The following PCDHGA4 variants were observed in gnomAD, a reference collection of about 807,000 sequenced individuals.
PCDHGA4 encodes the protein protocadherin gamma-A4.
A neutral mutation model predicts 54.6 loss-of-function variants in PCDHGA4; 38 were observed. The observed-to-expected ratio is 0.70, with a 90% CI of 0.54 to 0.91. PCDHGA4 has a LOEUF of 0.91. Ranked by LOEUF, PCDHGA4 falls within the 40% of genes least tolerant of loss-of-function variation. The pLI, the probability that PCDHGA4 is intolerant of heterozygous loss-of-function variation, is 0.00. For missense variants in PCDHGA4, 1,298 were observed against 1,220.9 expected, an observed-to-expected ratio of 1.06 and a Z score of -0.94; for synonymous variants, 511 against 512.9, an observed-to-expected ratio of 1.00 and a Z score of 0.05.
At chr5:141,399,378 C>T (rs368139061) in intron 1 of PCDHGA4, 1,186 of 1,613,874 alleles carry the variant, frequency 7.3e-4, no homozygotes, top group Non-Finnish European at 9.6e-4. Flanking sequence ...ACAATGTCAC[C>T]ATCACAGCCA....
chr5:141,464,093 C>T (rs1029458289), intron 1 of PCDHGA4, among the ~76,000 whole-genome samples: 1 of 151,888 alleles, frequency 6.6e-6, no homozygotes, highest in Non-Finnish European at 1.5e-5. Context: ...GGTGAAACTC[C>T]GTCTCTACTA....
At position 141,355,087 on chromosome 5, in the gene PCDHGA4, C is replaced by T. The variant is rs1052813011; in HGVS notation, c.-21C>T. On this transcript the variant is annotated 5_prime_UTR_variant, in exon 1 of 4. Coordinates refer to ENST00000571252, the MANE Select transcript of PCDHGA4 (RefSeq NM_018917.4). Reference sequence around the variant, plus strand: ...GCTTTATGAAAGCTTCAAGCGGAAGCCCTGAGAGCTCTGGCTGTGAATGCA... The same window carrying T: ...GCTTTATGAAAGCTTCAAGCGGAAGTCCTGAGAGCTCTGGCTGTGAATGCA... The T allele has an allele frequency of 1.4e-6, 2 of 1,455,264 alleles. No individual in the cohort carries two copies. The highest frequency in any genetic ancestry group is 1.8e-6 in the Non-Finnish European group (2 of 1,091,314). The allele number at this position is 1,455,264 out of a possible 1,614,324, so 90.1% of individuals were successfully genotyped here. A position where few individuals can be genotyped will look rare whatever the true frequency, so the allele number is the denominator to read the frequency against.
intron 1 of PCDHGA4, among the ~76,000 whole-genome samples, chr5:141,382,245 A>C (rs1778064019): frequency 6.6e-6 from 1 of 152,172 alleles, no homozygotes; most frequent in South Asian, 2.1e-4. Flanking sequence ...GACTTTCTGA[A>C]TCTTGCATCA....
chr5:141,498,065 G>C (rs1197771947), intron 2 of PCDHGA4, among the ~76,000 whole-genome samples: 1 of 152,220 alleles, frequency 6.6e-6, no homozygotes, highest in Non-Finnish European at 1.5e-5. Context: ...GACTGAAACT[G>C]TCATAAGTGC....
intron 2 of PCDHGA4, among the ~76,000 whole-genome samples, chr5:141,501,102 C>G (rs951290710): frequency 2.0e-5 from 3 of 152,014 alleles, no homozygotes; most frequent in African/African-American, 4.8e-5. Flanking sequence ...CTCTTGACCT[C>G]GTGATCCGCC....
At chr5:141,503,736 T>C (rs1381045077) in intron 2 of PCDHGA4, among the ~76,000 whole-genome samples, 4 of 152,202 alleles carry the variant, frequency 2.6e-5, no homozygotes, top group African/African-American at 9.6e-5. Context: ...TTTGTTGTGA[T>C]GGTATAGAGG....
At position 141,372,683 on chromosome 5, in the gene PCDHGA4, C is replaced by T. The variant is rs764987054; in HGVS notation, c.2514+15062C>T. On this transcript the variant is annotated intron_variant, in intron 1 of 3. Coordinates refer to ENST00000571252, the MANE Select transcript of PCDHGA4 (RefSeq NM_018917.4). The stretch of plus-strand genomic sequence containing the variant: ...GTGCTGCCTCACATTCCTCAAACAC[C>T]GAGTTTAAATTTCTCAATATAAAGG... The T allele has an allele frequency of 1.9e-6, 3 of 1,613,826 alleles. No homozygotes were observed. In the African/African-American group the frequency reaches 4.0e-5, roughly 22 times the overall value.
chr5:141,394,679 C>T (rs532730881), intron 1 of PCDHGA4: 1 of 1,612,552 alleles, frequency 6.2e-7, no homozygotes, highest in African/African-American at 1.3e-5. Context: ...TGGGTCTGCA[C>T]ACGGGCGAGG....
Position 141,476,263 on chromosome 5 carries a change from C to T in PCDHGA4, c.2515-18544C>T. 1 of 1,613,940 alleles carries T rather than the reference C, an allele frequency of 6.2e-7. No individual in the cohort carries two copies. The highest frequency in any genetic ancestry group is 8.5e-7 in the Non-Finnish European group (1 of 1,180,010). Reference sequence around the variant, plus strand: ...GAGAGAAGGGTTTCGCTGTGGGCAACGTGGTCGCGAACCTTGGTTTGGATC... The same window carrying T: ...GAGAGAAGGGTTTCGCTGTGGGCAATGTGGTCGCGAACCTTGGTTTGGATC... On this transcript the variant is annotated intron_variant, in intron 1 of 3. Transcript: ENST00000571252. The surrounding 1 kb of genome is among the most constrained non-coding windows in gnomAD (Gnocchi z 7.6).
chr5:141,477,817 C>G lies in PCDHGA4; in HGVS notation c.2515-16990C>G, dbSNP rs1593824080. 2 of 1,614,138 alleles carry G rather than the reference C, an allele frequency of 1.2e-6. No individual in the cohort carries two copies. The highest frequency in any genetic ancestry group is 8.5e-7 in the Non-Finnish European group (1 of 1,180,038). ...ATCGCAATGACAATGCCCCCCAGGT[C>G]CTATATCCTCGGCCAGGTGGGAGCT... is the stretch of plus-strand genomic sequence containing the variant. On this transcript the variant is annotated intron_variant, in intron 1 of 3. Coordinates refer to ENST00000571252, the MANE Select transcript of PCDHGA4 (RefSeq NM_018917.4). This position sits in a 1 kb window ranked among gnomAD's most constrained non-coding sequence, Gnocchi z 4.9.
rs540403118 is a variant in PCDHGA4, at chr5:141,365,112, T to C, written c.2514+7491T>C. The C allele has an allele frequency of 6.2e-6, 10 of 1,613,770 alleles. No individual in the cohort carries two copies. The highest frequency in any genetic ancestry group is 7.6e-6 in the Non-Finnish European group (9 of 1,179,884). On this transcript the variant is annotated intron_variant, in intron 1 of 3. Coordinates refer to ENST00000571252, the MANE Select transcript of PCDHGA4 (RefSeq NM_018917.4). ...GAGAACATACCTGTGGGCACTCGGC[T>C]GCTCATGCTAACCGCCACGGATCCA...
intron 1 of PCDHGA4, chr5:141,364,603 C>G: frequency 6.2e-7 from 1 of 1,614,180 alleles, no homozygotes; most frequent in Non-Finnish European, 8.5e-7. Flanking sequence ...GCAGGATAGA[C>G]CGGGAGGAGC....
chr5:141,379,047 T>C (rs570619122), intron 1 of PCDHGA4: 2 of 152,352 alleles, frequency 1.3e-5, no homozygotes, highest in East Asian at 1.9e-4. Flanking sequence ...GGTGGTATTA[T>C]AGAATGGATT....
chr5:141,478,204 T>C (rs775367944), intron 1 of PCDHGA4: 7 of 1,613,950 alleles, frequency 4.3e-6, no homozygotes, highest in Middle Eastern at 1.6e-4. Context: ...ATCTACTTCT[T>C]TCTCTAATCC....
intron 1 of PCDHGA4, chr5:141,374,267 C>A: frequency 6.2e-7 from 1 of 1,614,008 alleles, no homozygotes; most frequent in Non-Finnish European, 8.5e-7. Flanking sequence ...GTTGGCGGAG[C>A]ACGGAGTCCG....
intron 1 of PCDHGA4, chr5:141,415,644 A>G: frequency 6.2e-7 from 1 of 1,600,070 alleles, no homozygotes; most frequent in Non-Finnish European, 8.5e-7. Flanking sequence ...CTTTTGTTAA[A>G]AAAAAAAAGA....
rs781695042 is a variant in PCDHGA4, at chr5:141,394,424, C to T, written c.2514+36803C>T. 6.2e-6 allele frequency: 10 copies of T among 1,614,104 alleles called. No individual in the cohort carries two copies. The African/African-American group carries it at 8.0e-5, about 13-fold the overall frequency. On this transcript the variant is annotated intron_variant, in intron 1 of 3. Transcript: ENST00000571252. The stretch of plus-strand genomic sequence containing the variant: ...AGCTACTGGTAACAGCCAGCGACAG[C>T]GGGGACCCGCCCCTCAGCAGCAACA...
chr5:141,377,101 A>G (rs6895700), intron 1 of PCDHGA4: 15,808 of 152,272 alleles, frequency 0.1, 1,337 homozygotes, highest in African/African-American at 0.24. Flanking sequence ...CTTTTATATC[A>G]AAAGAATGTT....
At chr5:141,410,006 G>A (rs1201569227) in intron 1 of PCDHGA4, 8 of 1,613,156 alleles carry the variant, frequency 5.0e-6, no homozygotes, top group Non-Finnish European at 5.9e-6. Context: ...GGGACACAAC[G>A]CCTGGCTGTC....
Sources: allele counts gnomAD v4.1 joint callset (sites outside exome capture counted in the v4.1 genomes callset), GRCh38; gene constraint gnomAD v4.1.1; non-coding constraint Gnocchi (gnomAD v3.1); transcripts MANE v1.5; gene names NCBI Gene and HGNC (gene_info 2026-07-23, HGNC 2026-07-21).